SLC38A10: variants seen among roughly 807,000 people sequenced by gnomAD.
The protein encoded by SLC38A10 is Sodium-coupled neutral amino acid transporter 10.
Under a neutral mutation model 81.0 loss-of-function variants are expected in SLC38A10, and 53 were observed. That is an observed-to-expected ratio of 0.65 (90% CI 0.53 to 0.82). The LOEUF (loss-of-function observed/expected upper bound fraction) is 0.82. SLC38A10 is among the 40% of genes least tolerant of loss of function. The pLI is 0.00. For missense variants in SLC38A10, 1,471 were observed against 1,545.0 expected (o/e 0.95, Z 0.80); for synonymous variants, 665 against 655.3 (o/e 1.01, Z -0.23).
intron 1 of SLC38A10, among the ~76,000 whole-genome samples, chr17:81,293,478 G>C (rs1209082021): frequency 6.7e-6 from 1 of 148,986 alleles, no homozygotes; most frequent in African/African-American, 2.5e-5. Flanking sequence ...AAAAAAAGTT[G>C]TTTTTTTTTT....
chr17:81,255,093 C>T (rs895563942), intron 11 of SLC38A10, among the ~76,000 whole-genome samples: 2 of 152,232 alleles, frequency 1.3e-5, no homozygotes, highest in Admixed American at 6.5e-5. Context: ...GAAGTGAGCA[C>T]GGTGAGCCGG....
At chr17:81,271,298 C>T (rs1260543662) in intron 9 of SLC38A10, among the ~76,000 whole-genome samples, 1 of 152,212 alleles carries the variant, frequency 6.6e-6, no homozygotes, top group African/African-American at 2.4e-5. Context: ...CAGATGCTGG[C>T]TGCGCACGGC....
intron 1 of SLC38A10, 135 bp downstream of exon 1, chr17:81,294,688 G>T (rs1947787468): frequency 1.5e-6 from 1 of 679,070 alleles, no homozygotes; most frequent in African/African-American, 1.9e-5. Context: ...GACCCAGAGG[G>T]TCGCCCCGCC....
In SLC38A10 at chr17:81,252,286, C is replaced by T. The variant is rs377457528; in HGVS notation, c.1854G>A (p.Leu618=). The change falls in exon 13 of 16, where the codon CTG becomes CTA. Residue 618 remains leucine, a synonymous_variant. Coordinates refer to ENST00000374759, the MANE Select transcript of SLC38A10 (RefSeq NM_001037984.3). ...TGGCCTTTTCCCCTCCACCCACCGC[C>T]AGGCCGTTCTGCTGCTCAGACAGCA... ...QAVLSEQQNG[L]AVGGGEKAKG... 8.1e-6 allele frequency: 13 copies of T among 1,609,568 alleles called. No individual in the cohort carries two copies. The African/African-American group carries it at 1.7e-4, about 22-fold the overall frequency.
intron 9 of SLC38A10, 62 bp from the exon 10 acceptor site, chr17:81,271,086 G>C: frequency 2.1e-6 from 3 of 1,432,138 alleles, no homozygotes; most frequent in Non-Finnish European, 2.9e-6. Flanking sequence ...GAGGGGACCT[G>C]AGCTTTTGCC....
chr17:81,280,937 C>T (rs1263768217), intron 5 of SLC38A10, among the ~76,000 whole-genome samples: 5 of 152,224 alleles, frequency 3.3e-5, no homozygotes, highest in Admixed American at 6.5e-5. Context: ...TCTGGATTCC[C>T]AACCCCTGCC....
chr17:81,272,629 T>C lies in SLC38A10; in HGVS notation c.913-2A>G. The C allele has an allele frequency of 6.5e-7, 1 of 1,537,314 alleles. No homozygotes were observed. Among genetic ancestry groups the C allele is most frequent in the Non-Finnish European group, 8.7e-7 (1 of 1,147,064 alleles). The stretch of plus-strand genomic sequence containing the variant: ...TGCTGCAAAGGTGCCATCTTTTTGC[T>C]GTACAAAAGAAAAACAAAAGGTTTT... On this transcript the variant is annotated splice_acceptor_variant, in intron 8 of 15. Coordinates refer to ENST00000374759, the MANE Select transcript of SLC38A10 (RefSeq NM_001037984.3). LOFTEE classifies it high-confidence loss of function.
chr17:81,248,796 C>T (rs1448697591), intron 14 of SLC38A10, among the ~76,000 whole-genome samples: 1 of 152,102 alleles, frequency 6.6e-6, no homozygotes, highest in Non-Finnish European at 1.5e-5. Context: ...TCGCCCAGAC[C>T]CCTGGATGTG....
chr17:81,252,045 G>A (rs2062920196), intron 13 of SLC38A10, 150 bp downstream of exon 13: 3 of 1,160,200 alleles, frequency 2.6e-6, no homozygotes. Context: ...GTCCCCACCA[G>A]CTGCCGGGGC....
At position 81,269,739 on chromosome 17, in the gene SLC38A10, C is replaced by T. The variant is rs149090031; in HGVS notation, c.1131+1179G>A. Among the ~76,000 whole-genome samples the T allele has an allele frequency of 5.8e-3, 889 of 152,186 alleles. 8 individuals carry two copies. The highest frequency in any genetic ancestry group is 8.9e-3 in the South Asian group (43 of 4,826). ...TTGGCTCACACCTGTAATCACAGCA[C>T]TTTGGGAGGTGGAGGCGGGTGGATC... On this transcript the variant is annotated intron_variant, in intron 10 of 15. Transcript: ENST00000374759.
In SLC38A10 at chr17:81,276,288, C is replaced by T. The variant is rs972705105; in HGVS notation, c.730-137G>A. 1.1e-5 allele frequency: 8 copies of T among 725,874 alleles called. No individual in the cohort carries two copies. The highest frequency in any genetic ancestry group is 3.4e-5 in the Admixed American group (1 of 29,590). The allele number at this position is 725,874 out of a possible 1,614,324, so 45.0% of individuals were successfully genotyped here. On this transcript the variant is annotated intron_variant, in intron 7 of 15. Coordinates refer to ENST00000374759, the MANE Select transcript of SLC38A10 (RefSeq NM_001037984.3). The surrounding 1 kb of genome is among the most constrained non-coding windows in gnomAD (Gnocchi z 4.7). ...TTCAATCCACTTCATAATGAAGCTTCTGCAAGAGATGGCCTTCCAGGGGCA... is the reference window on the plus strand; with the variant it reads ...TTCAATCCACTTCATAATGAAGCTTTTGCAAGAGATGGCCTTCCAGGGGCA...
intron 14 of SLC38A10, among the ~76,000 whole-genome samples, chr17:81,247,950 C>CTTTT (rs34228716): frequency 2.7e-3 from 196 of 73,090 alleles, no homozygotes; most frequent in East Asian, 5.9e-3. Flanking sequence ...CAAAAGCTGT[C>CTTTT]TTTTTTTTTT....
At position 81,281,602 on chromosome 17, in the gene SLC38A10, C is replaced by T; in HGVS notation, c.501+587G>A. On this transcript the variant is annotated intron_variant, in intron 5 of 15. Transcript: ENST00000374759. This position sits in a 1 kb window ranked among gnomAD's most constrained non-coding sequence, Gnocchi z 5.3. ...CCAGCCTGGCCAAGATGGTGAAACC[C>T]CTTCTCTACTAAAAATAAAAAAAAT... is the stretch of plus-strand genomic sequence containing the variant. 6.6e-6 allele frequency among the ~76,000 whole-genome samples: 1 copy of T among 152,020 alleles called. No individual in the cohort carries two copies. Among genetic ancestry groups the T allele is most frequent in the Non-Finnish European group, 1.5e-5 (1 of 67,992 alleles).
intron 2 of SLC38A10, among the ~76,000 whole-genome samples, chr17:81,287,597 T>C (rs574959101): frequency 6.6e-6 from 1 of 152,306 alleles, no homozygotes; most frequent in East Asian, 1.9e-4. Context: ...GAGACACACT[T>C]GGTGTTTTGG....
At chr17:81,255,208 G>A (rs1038291710) in intron 11 of SLC38A10, among the ~76,000 whole-genome samples, 1 of 152,268 alleles carries the variant, frequency 6.6e-6, no homozygotes, top group African/African-American at 2.4e-5. Context: ...AAGGCTGTGC[G>A]AGTGTCCTGG....
Position 81,259,871 on chromosome 17 carries a change from G to A in SLC38A10, c.1288+367C>T, listed in dbSNP as rs537227695. ...AAACTGAGGCCTGATCGCCGACCCT[G>A]TCCAGGAGAAAACTGGAGAAACTTA... is the stretch of plus-strand genomic sequence containing the variant. On this transcript the variant is annotated intron_variant, in intron 11 of 15. Transcript: ENST00000374759. 7.2e-5 allele frequency among the ~76,000 whole-genome samples: 11 copies of A among 152,342 alleles called. No homozygotes were observed. The South Asian group carries it at 2.3e-3, about 32-fold the overall frequency.
chr17:81,252,051 G>A (rs9915417), intron 13 of SLC38A10, 144 bp downstream of exon 13: 310,138 of 1,214,688 alleles, frequency 0.26, 43,603 homozygotes, highest in African/African-American at 0.41. Context: ...ACCAGCTGCC[G>A]GGGCCCGCTC....
chr17:81,275,845 C>G, intron 8 of SLC38A10, 124 bp downstream of exon 8: 1 of 1,166,544 alleles, frequency 8.6e-7, no homozygotes, highest in Non-Finnish European at 1.2e-6. Context: ...TCCGCCCTCC[C>G]GGGACTCCTC....
At chr17:81,284,704 G>A in intron 3 of SLC38A10, 146 bp downstream of exon 3, 1 of 597,934 alleles carries the variant, frequency 1.7e-6, no homozygotes, top group Non-Finnish European at 2.8e-6. Flanking sequence ...AAGGGTACAA[G>A]TAATTGGACT....
Sources: gnomAD v4.1 joint callset for allele counts (sites outside exome capture counted in the v4.1 genomes callset) on GRCh38, gnomAD v4.1.1 for gene constraint, Gnocchi (gnomAD v3.1) non-coding constraint, MANE v1.5 for transcripts, NCBI Gene and HGNC (gene_info 2026-07-23, HGNC 2026-07-21) for gene names.